POLR1E: variants seen among roughly 807,000 people sequenced by gnomAD.
POLR1E encodes DNA-directed RNA polymerase I subunit RPA49.
A neutral mutation model predicts 50.9 loss-of-function variants in POLR1E; 37 were observed. The ratio of observed to expected loss-of-function variants is 0.73; its 90% CI spans 0.56 to 0.96. The LOEUF (loss-of-function observed/expected upper bound fraction) is 0.96. POLR1E is among the 40% of genes least tolerant of loss of function. POLR1E has a pLI of 0.00. For synonymous variants in POLR1E, 166 were observed against 191.6 expected, an observed-to-expected ratio of 0.87 and a Z score of 1.10; for missense variants, 426 against 518.1, an observed-to-expected ratio of 0.82 and a Z score of 1.73.
chr9:37,501,708 T>C lies in POLR1E; in HGVS notation c.969-5T>C. The C allele has an allele frequency of 6.2e-7, 1 of 1,603,392 alleles. No homozygotes were observed. Among genetic ancestry groups the C allele is most frequent in the Non-Finnish European group, 8.5e-7 (1 of 1,177,408 alleles). On this transcript the variant is annotated splice_region_variant and splice_polypyrimidine_tract_variant and intron_variant, in intron 10 of 11. Coordinates refer to ENST00000377798, the MANE Select transcript of POLR1E (RefSeq NM_022490.4). ...GTTTCTCCTTTATTGCCACTGATTT[T>C]CTAGATTACGGAACTTAATTTCGGA...
In POLR1E at chr9:37,503,214, C is replaced by G; in HGVS notation, c.*12C>G. On this transcript the variant is annotated 3_prime_UTR_variant, in exon 12 of 12. Transcript: ENST00000377798. ...GGAAGATTACCTAGACGCATGCTTT[C>G]CAGACAGGGCGTTTTGGCTGCATCA... 1 of 1,587,950 alleles carries G rather than the reference C, an allele frequency of 6.3e-7. No homozygotes were observed. The highest frequency in any genetic ancestry group is 1.1e-5 in the South Asian group (1 of 87,546).
At chr9:37,502,926 C>A in intron 11 of POLR1E, 117 bp from the exon 12 acceptor site, 2 of 1,152,382 alleles carry the variant, frequency 1.7e-6, no homozygotes, top group Non-Finnish European at 2.4e-6. Flanking sequence ...CTGCTGGCAA[C>A]CTTTGGGATT....
At chr9:37,502,620 T>C (rs769176189) in intron 11 of POLR1E, among the ~76,000 whole-genome samples, 9 of 152,186 alleles carry the variant, frequency 5.9e-5, no homozygotes, top group Non-Finnish European at 1.2e-4. Context: ...CTGGACTCTC[T>C]AGCAGTCCGT....
In POLR1E at chr9:37,495,892, C is replaced by A. The variant is rs749505546; in HGVS notation, c.658C>A (p.Leu220Ile). ...TTATATTCTTGACCTGTAACTAGTT[C>A]TTTCCCCTGCGGAGTATGAAGCTCT... ...PEDVYKFEDLLSPAEYEALQS... is the reference protein window; with the variant it reads ...PEDVYKFEDLISPAEYEALQS... Residue 220 changes from leucine (L) to isoleucine (I), a missense_variant and splice_region_variant, in exon 8 of 12, where the codon CTT becomes ATT. Transcript: ENST00000377798. The A allele has an allele frequency of 5.0e-6, 8 of 1,611,140 alleles. No homozygotes were observed. Among genetic ancestry groups the A allele is most frequent in the African/African-American group, 4.0e-5 (3 of 74,824 alleles).
intron 4 of POLR1E, among the ~76,000 whole-genome samples, chr9:37,491,989 A>G (rs969266755): frequency 6.6e-6 from 1 of 152,238 alleles, no homozygotes; most frequent in African/African-American, 2.4e-5. Flanking sequence ...TCTAGGTAGC[A>G]CACACACAGA....
Position 37,486,062 on chromosome 9 carries a change from G to A in POLR1E, c.15G>A (p.Val5=), listed in dbSNP as rs1459231429. 2 of 1,601,684 alleles carry A rather than the reference G, an allele frequency of 1.2e-6. No individual in the cohort carries two copies. Among genetic ancestry groups the A allele is most frequent in the Admixed American group, 1.7e-5 (1 of 57,394 alleles). ...AGACAGGCGAGATGGCGGCGGAGGT[G>A]TTGCCGAGTGCGAGGTGGCAGTATT... MAAE[V]LPSARWQYCG... is the part of the protein sequence containing the mutation. The change falls in exon 1 of 12, where the codon GTG becomes GTA. Residue 5 remains valine, a synonymous_variant. Transcript: ENST00000377798.
intron 4 of POLR1E, chr9:37,492,280 A>G (rs1247259253): frequency 1.5e-5 from 20 of 1,291,910 alleles, no homozygotes; most frequent in Non-Finnish European, 2.0e-5. Context: ...GCCTGCTTTT[A>G]GGTCTTTCAC....
chr9:37,486,229 G>A lies in POLR1E; in HGVS notation c.76+106G>A, dbSNP rs572124914. 5 of 1,396,532 alleles carry A rather than the reference G, an allele frequency of 3.6e-6. No individual in the cohort carries two copies. The East Asian group carries it at 1.0e-4, about 28-fold the overall frequency. The allele number at this position is 1,396,532 out of a possible 1,614,324, so 86.5% of individuals were successfully genotyped here. ...CGTTGGGCTTCTCCCCAGCGGGGCC[G>A]GGACCCCTCTAGTCTCCACCACTCC... On this transcript the variant is annotated intron_variant, in intron 1 of 11. Coordinates refer to ENST00000377798, the MANE Select transcript of POLR1E (RefSeq NM_022490.4).
At chr9:37,496,741 G>A (rs938869731) in intron 8 of POLR1E, among the ~76,000 whole-genome samples, 13 of 151,576 alleles carry the variant, frequency 8.6e-5, no homozygotes, top group Admixed American at 2.0e-4. Flanking sequence ...AACTCTGAGC[G>A]GGGAGTCTGA....
intron 9 of POLR1E, 98 bp from the exon 10 acceptor site, chr9:37,500,742 T>C: frequency 1.1e-6 from 1 of 877,296 alleles, no homozygotes; most frequent in Non-Finnish European, 1.9e-6. Flanking sequence ...TTCTGGTCAT[T>C]GCAGTGGCCC....
Position 37,498,218 on chromosome 9 carries a change from C to A in POLR1E, c.880C>A (p.Arg294=). 1 of 1,612,040 alleles carries A rather than the reference C, an allele frequency of 6.2e-7. No homozygotes were observed. Among genetic ancestry groups the A allele is most frequent in the Non-Finnish European group, 8.5e-7 (1 of 1,179,126 alleles). ...ATTTCGAGCTCATAGGGTAGTTAAG[C>A]GGAAAAGTAAGTCTATGATAAACAT... ...IKFRAHRVVK[R]KSALGPGVPH... The change falls in exon 9 of 12, where the codon CGG becomes AGG. Residue 294 remains arginine, a synonymous_variant. Transcript: ENST00000377798.
chr9:37,486,569 G>T (rs766905736), intron 1 of POLR1E, 134 bp from the exon 2 acceptor site: 1 of 1,604,860 alleles, frequency 6.2e-7, no homozygotes, highest in Non-Finnish European at 8.5e-7. Context: ...AGTTCCCTTT[G>T]GGTCAGGACC....
In POLR1E at chr9:37,486,797, A is replaced by G. The variant is rs1308899966; in HGVS notation, c.171A>G (p.Gln57=). Residue 57 remains glutamine (Q), a synonymous_variant, in exon 2 of 12, where the codon CAA becomes CAG. Transcript: ENST00000377798. ...KDSTNPRKRN[Q]RILAAETDRL... ...CCACCAACCCCAGGAAGAGGAATCA[A>G]CGGATCCTGGTAAGTGAAGCAGTTG... 1.9e-6 allele frequency: 3 copies of G among 1,610,538 alleles called. No homozygotes were observed. Among genetic ancestry groups the G allele is most frequent in the African/African-American group, 2.7e-5 (2 of 74,928 alleles).
chr9:37,488,592 T>C (rs1391941557), intron 3 of POLR1E, among the ~76,000 whole-genome samples: 1 of 152,046 alleles, frequency 6.6e-6, no homozygotes, highest in East Asian at 1.9e-4. Flanking sequence ...CCCTGCACTC[T>C]CCCCTCTCAG....
intron 8 of POLR1E, among the ~76,000 whole-genome samples, chr9:37,497,724 G>A (rs948779940): frequency 6.6e-6 from 1 of 152,192 alleles, no homozygotes. Context: ...ATTATAAGGA[G>A]TGTTGAGTGT....
At chr9:37,490,764 C>G (rs1820669501) in intron 4 of POLR1E, 1 of 646,026 alleles carries the variant, frequency 1.5e-6, no homozygotes, top group Non-Finnish European at 2.9e-6. Context: ...GTACCCATTC[C>G]CTTGATGTCT....
At chr9:37,496,089 T>A in intron 8 of POLR1E, 103 bp downstream of exon 8, 1 of 805,602 alleles carries the variant, frequency 1.2e-6, no homozygotes, top group Non-Finnish European at 2.1e-6. Context: ...TGAGGAAGTG[T>A]GTCTGGAGCA....
In POLR1E at chr9:37,495,995, A is replaced by C; in HGVS notation, c.752+9A>C. 1 of 1,605,772 alleles carries C rather than the reference A, an allele frequency of 6.2e-7. No homozygotes were observed. The highest frequency in any genetic ancestry group is 8.5e-7 in the Non-Finnish European group (1 of 1,172,530). On this transcript the variant is annotated intron_variant, in intron 8 of 11. Coordinates refer to ENST00000377798, the MANE Select transcript of POLR1E (RefSeq NM_022490.4). ...ATGATTGAGGAGAACAGGTACCCTG[A>C]CTTAAGCAGATGGGGATTCTGGGGA...
intron 2 of POLR1E, 22 bp from the exon 3 acceptor site, chr9:37,487,841 G>A (rs1362037549): frequency 1.9e-6 from 3 of 1,611,532 alleles, no homozygotes; most frequent in South Asian, 1.1e-5. Flanking sequence ...TGTAAATGGA[G>A]TTTCCCCTCT....
Sources: allele counts gnomAD v4.1 joint callset (sites outside exome capture counted in the v4.1 genomes callset), GRCh38; gene constraint gnomAD v4.1.1; transcripts MANE v1.5; gene names NCBI Gene and HGNC (gene_info 2026-07-23, HGNC 2026-07-21).